The following GLCE variants were observed in gnomAD, a reference collection of about 807,000 sequenced individuals.
GLCE encodes D-glucuronyl C5-epimerase.
A neutral mutation model predicts 47.9 loss-of-function variants in GLCE; 19 were observed. That is an observed-to-expected ratio of 0.40 (90% confidence interval 0.28 to 0.58). The LOEUF is 0.58. Among genes scored for constraint, GLCE ranks in the 20% least tolerant of loss-of-function variants. The pLI is 0.48. For missense variants in GLCE, 556 were observed against 743.3 expected, an observed-to-expected ratio of 0.75 and a Z score of 2.93; for synonymous variants, 245 against 263.4, an observed-to-expected ratio of 0.93 and a Z score of 0.68.
intron 2 of GLCE, among the ~76,000 whole-genome samples, chr15:69,230,067 G>T (rs1235484960): frequency 6.6e-6 from 1 of 151,960 alleles, no homozygotes; most frequent in African/African-American, 2.4e-5. Flanking sequence ...AATTAGCTGG[G>T]CATGGTGGCG....
At chr15:69,263,744 T>C (rs946831600) in intron 4 of GLCE, among the ~76,000 whole-genome samples, 2 of 152,168 alleles carry the variant, frequency 1.3e-5, no homozygotes, top group South Asian at 2.1e-4. Context: ...CTGATTCTTC[T>C]TTCTCTTGGT....
intron 2 of GLCE, among the ~76,000 whole-genome samples, chr15:69,232,763 CAATT>C (rs2052543041): frequency 6.6e-6 from 1 of 151,990 alleles, no homozygotes; most frequent in Non-Finnish European, 1.5e-5. Context: ...AACAATTAGA[CAATT>C]AAATAGAAAA....
intron 1 of GLCE, among the ~76,000 whole-genome samples, chr15:69,168,879 A>G (rs984534443): frequency 3.3e-5 from 5 of 152,188 alleles, no homozygotes; most frequent in African/African-American, 4.8e-5. Context: ...AAGAAAAAAT[A>G]TATACAATAA....
At chr15:69,182,385 A>AAG (rs148023337) in intron 1 of GLCE, among the ~76,000 whole-genome samples, 6,950 of 144,152 alleles carry the variant, frequency 0.048, 190 homozygotes, top group South Asian at 0.078. Flanking sequence ...ATTGCGCTGA[A>AAG]AGAGAGAGAG....
At chr15:69,224,845 A>G (rs935225517) in intron 2 of GLCE, among the ~76,000 whole-genome samples, 2 of 152,238 alleles carry the variant, frequency 1.3e-5, no homozygotes, top group African/African-American at 4.8e-5. Flanking sequence ...CAAGATAATT[A>G]CTTTAGACAG....
intron 2 of GLCE, among the ~76,000 whole-genome samples, chr15:69,236,210 T>TCATTAATAAATGTATA (rs371063290): frequency 0.045 from 6,827 of 152,262 alleles, 528 homozygotes; most frequent in African/African-American, 0.16. Context: ...CTTGGAATTA[T>TCATTAATAAATGTATA]CATTAATAAA....
intron 2 of GLCE, among the ~76,000 whole-genome samples, chr15:69,245,778 G>T (rs1302885689): frequency 2.0e-5 from 3 of 151,838 alleles, no homozygotes; most frequent in Non-Finnish European, 4.4e-5. Flanking sequence ...ATCTAGGCTG[G>T]AGTGCAGGGG....
At chr15:69,188,662 G>A (rs1365527456) in intron 1 of GLCE, among the ~76,000 whole-genome samples, 2 of 152,036 alleles carry the variant, frequency 1.3e-5, no homozygotes, top group Admixed American at 1.3e-4. Flanking sequence ...GAATTTGTCT[G>A]TTTCATCTAA....
chr15:69,244,742 T>C (rs2052723250), intron 2 of GLCE, among the ~76,000 whole-genome samples: 2 of 152,216 alleles, frequency 1.3e-5, no homozygotes, highest in African/African-American at 4.8e-5. Context: ...AAGTAGGGAA[T>C]GCACAAAATT....
intron 3 of GLCE, chr15:69,260,851 G>T: frequency 2.2e-6 from 1 of 459,086 alleles, no homozygotes; most frequent in Non-Finnish European, 3.9e-6. Context: ...AATTTATAGC[G>T]TTGCACTATT....
intron 1 of GLCE, among the ~76,000 whole-genome samples, chr15:69,164,170 T>C (rs1479427431): frequency 6.6e-6 from 1 of 152,064 alleles, no homozygotes; most frequent in African/African-American, 2.4e-5. Flanking sequence ...GTCAAACATA[T>C]ACACATCTGA....
chr15:69,218,085 C>T (rs1235905032), intron 2 of GLCE, among the ~76,000 whole-genome samples: 3 of 131,850 alleles, frequency 2.3e-5, no homozygotes, highest in Non-Finnish European at 3.1e-5. Context: ...ACTCAGGAGG[C>T]GGAGGTTGCA....
intron 2 of GLCE, among the ~76,000 whole-genome samples, chr15:69,216,958 T>C (rs766017300): frequency 3.3e-5 from 5 of 152,094 alleles, no homozygotes; most frequent in Non-Finnish European, 5.9e-5. Flanking sequence ...AAAATAACTT[T>C]AGTATTAGAA....
intron 2 of GLCE, among the ~76,000 whole-genome samples, chr15:69,224,250 T>G (rs775756418): frequency 6.6e-6 from 1 of 152,156 alleles, no homozygotes; most frequent in Non-Finnish European, 1.5e-5. Flanking sequence ...TTGTTTTTGG[T>G]TTTTGTAGAC....
Position 69,214,636 on chromosome 15 carries a change from T to A in GLCE, c.-14+4230T>A, listed in dbSNP as rs560762802. ...ATACCAACTCACATACATACATCTA[T>A]ATTTATTTGTGTTTACTTTCTGTAT... is the stretch of plus-strand genomic sequence containing the variant. On this transcript the variant is annotated intron_variant, in intron 2 of 4. Transcript: ENST00000261858. Among the ~76,000 whole-genome samples, 5 of 152,318 alleles carry A rather than the reference T, an allele frequency of 3.3e-5. No homozygotes were observed. In the East Asian group the frequency reaches 9.7e-4, roughly 29 times the overall value.
At chr15:69,235,368 A>T (rs568156756) in intron 2 of GLCE, among the ~76,000 whole-genome samples, 1 of 144,272 alleles carries the variant, frequency 6.9e-6, no homozygotes, top group Non-Finnish European at 1.5e-5. Flanking sequence ...TCAGCCTCCC[A>T]AAGTGCTGGG....
intron 1 of GLCE, among the ~76,000 whole-genome samples, chr15:69,177,858 G>C (rs866177772): frequency 1.3e-5 from 2 of 152,138 alleles, no homozygotes; most frequent in Admixed American, 6.5e-5. Flanking sequence ...GAATTACATA[G>C]TATGTACTTT....
intron 2 of GLCE, among the ~76,000 whole-genome samples, chr15:69,228,712 G>T (rs2052480934): frequency 6.6e-6 from 1 of 152,038 alleles, no homozygotes; most frequent in African/African-American, 2.4e-5. Context: ...TTTCTTTTGA[G>T]TCAGAGTCTT....
chr15:69,202,978 G>A (rs183592372), intron 1 of GLCE, among the ~76,000 whole-genome samples: 124 of 152,212 alleles, frequency 8.1e-4, no homozygotes, highest in African/African-American at 3.0e-3. Flanking sequence ...AAGTTCATTT[G>A]ATTTGCTTAA....
Sources: gnomAD v4.1 joint callset for allele counts (sites outside exome capture counted in the v4.1 genomes callset) on GRCh38, gnomAD v4.1.1 for gene constraint, MANE v1.5 for transcripts, NCBI Gene and HGNC (gene_info 2026-07-23, HGNC 2026-07-21) for gene names.